Variants in ARFGEF3 observed in about 807,000 individuals in gnomAD.
ARFGEF3 encodes the protein brefeldin A-inhibited guanine nucleotide-exchange protein 3.
In ARFGEF3, 96 loss-of-function variants were observed where a neutral mutation model predicts 221.7. The ratio of observed to expected loss-of-function variants is 0.43; its 90% CI spans 0.37 to 0.51. The LOEUF is 0.51. Among genes scored for constraint, ARFGEF3 ranks in the 20% least tolerant of loss-of-function variants. The pLI, the probability that ARFGEF3 is intolerant of heterozygous loss-of-function variation, is 0.00. For synonymous variants in ARFGEF3, 1,145 were observed against 1,126.8 expected, an observed-to-expected ratio of 1.02 and a Z score of -0.32; for missense variants, 2,410 against 2,789.9, an observed-to-expected ratio of 0.86 and a Z score of 3.07.
intron 26 of ARFGEF3, 83 bp downstream of exon 26, chr6:138,314,022 G>A: frequency 7.1e-7 from 1 of 1,399,496 alleles, no homozygotes; most frequent in Non-Finnish European, 9.9e-7. Flanking sequence ...AGTACCTTAA[G>A]CTTCTGGGAA....
chr6:138,203,902 A>G lies in ARFGEF3; in HGVS notation c.138-3140A>G, dbSNP rs559526165. Among the ~76,000 whole-genome samples, 3 of 152,044 alleles carry G rather than the reference A, an allele frequency of 2.0e-5. No individual in the cohort carries two copies. In the South Asian group the frequency reaches 6.2e-4, roughly 32 times the overall value. ...GTGATCCGCCCTCCTTGGACTCCCAAAATGCTGGGATTACAGGTGTGAGCC... is the reference window on the plus strand; with the variant it reads ...GTGATCCGCCCTCCTTGGACTCCCAGAATGCTGGGATTACAGGTGTGAGCC... On this transcript the variant is annotated intron_variant, in intron 2 of 33. Transcript: ENST00000251691.
In ARFGEF3 at chr6:138,338,367, G is replaced by T. The variant is rs1306341288; in HGVS notation, c.*1881G>T. The T allele has an allele frequency of 3.9e-5, 6 of 152,286 alleles. No individual in the cohort carries two copies. The East Asian group carries it at 7.7e-4, about 20-fold the overall frequency. The allele number at this position is 152,286 out of a possible 1,614,324, so 9.4% of individuals were successfully genotyped here. A position where few individuals can be genotyped will look rare whatever the true frequency, so the allele number is the denominator to read the frequency against. On this transcript the variant is annotated 3_prime_UTR_variant, in exon 34 of 34. Coordinates refer to ENST00000251691, the MANE Select transcript of ARFGEF3 (RefSeq NM_020340.5). ...CTTTTTATAGCTTACCTGAGGTTCA[G>T]TTCTTCTTTGTGAACCTGTGAGTAC...
intron 2 of ARFGEF3, among the ~76,000 whole-genome samples, chr6:138,196,072 A>G (rs1207219525): frequency 2.0e-5 from 3 of 152,002 alleles, no homozygotes; most frequent in African/African-American, 7.3e-5. Flanking sequence ...TCATTCTTGG[A>G]ATGTAGTTTG....
In ARFGEF3 at chr6:138,229,872, G is replaced by A. The variant is rs1410929246; in HGVS notation, c.420+20G>A. 2 of 1,604,456 alleles carry A rather than the reference G, an allele frequency of 1.2e-6. No homozygotes were observed. The highest frequency in any genetic ancestry group is 1.7e-5 in the Admixed American group (1 of 59,970). ...GCGGAGGTGAGTACTGCTTGTGTCT[G>A]TGCCTCCTGTTCACAGCTGCTTTAT... On this transcript the variant is annotated intron_variant, in intron 5 of 33. Coordinates refer to ENST00000251691, the MANE Select transcript of ARFGEF3 (RefSeq NM_020340.5).
chr6:138,192,059 A>G (rs1366369135), intron 2 of ARFGEF3, among the ~76,000 whole-genome samples: 1 of 152,088 alleles, frequency 6.6e-6, no homozygotes, highest in Non-Finnish European at 1.5e-5. Flanking sequence ...CCTGCCTTGG[A>G]CCCGTGTTGT....
chr6:138,213,287 C>CAA (rs36044450), intron 4 of ARFGEF3, among the ~76,000 whole-genome samples: 24 of 90,416 alleles, frequency 2.7e-4, no homozygotes, highest in African/African-American at 5.3e-4. Flanking sequence ...GACTCCATCT[C>CAA]AAAAAAAAAA....
intron 4 of ARFGEF3, among the ~76,000 whole-genome samples, chr6:138,225,547 A>G (rs1778069069): frequency 6.6e-6 from 1 of 152,204 alleles, no homozygotes; most frequent in South Asian, 2.1e-4. Flanking sequence ...GCAGGCATTC[A>G]TTTCTCCAAT....
At chr6:138,321,980 C>T (rs902646593) in intron 29 of ARFGEF3, among the ~76,000 whole-genome samples, 4 of 152,134 alleles carry the variant, frequency 2.6e-5, no homozygotes, top group Admixed American at 1.3e-4. Flanking sequence ...TGGTGGCAGG[C>T]AAAGAGAGAG....
chr6:138,308,836 C>T lies in ARFGEF3; in HGVS notation c.4071C>T (p.Cys1357=), dbSNP rs776638431. The stretch of plus-strand genomic sequence containing the variant: ...ATGCAGCCACTAGCTACATCATGTG[C>T]CTTATGAAGTTTGTCAAAGGACTGG... ...FANAATSYIM[C]LMKFVKGLGE... is the part of the protein sequence containing the mutation. The change falls in exon 24 of 34, where the codon TGC becomes TGT. Residue 1357 remains cysteine (C), a synonymous_variant. Transcript: ENST00000251691. The T allele has an allele frequency of 4.3e-6, 7 of 1,613,908 alleles. No individual in the cohort carries two copies. In the African/African-American group the frequency reaches 9.3e-5, roughly 22 times the overall value.
chr6:138,260,045 C>A (rs367937649), intron 10 of ARFGEF3, among the ~76,000 whole-genome samples: 1 of 152,186 alleles, frequency 6.6e-6, no homozygotes, highest in African/African-American at 2.4e-5. Flanking sequence ...ATACACTTAT[C>A]CTTCCAGCAA....
chr6:138,205,134 G>GAAA (rs1211111180), intron 2 of ARFGEF3, among the ~76,000 whole-genome samples: 7 of 152,186 alleles, frequency 4.6e-5, no homozygotes, highest in Non-Finnish European at 8.8e-5. Context: ...CTTTCCAAGG[G>GAAA]TCAACACATT....
Position 138,337,975 on chromosome 6 carries a change from T to C in ARFGEF3, c.*1489T>C, listed in dbSNP as rs1411942531. ...AGGATTTAAAGGGGTATTTGTAAAC[T>C]TTGCCCTCCTTGAGAAATATGGAAC... is the stretch of plus-strand genomic sequence containing the variant. On this transcript the variant is annotated 3_prime_UTR_variant, in exon 34 of 34. Coordinates refer to ENST00000251691, the MANE Select transcript of ARFGEF3 (RefSeq NM_020340.5). 3.3e-5 allele frequency: 5 copies of C among 152,204 alleles called. No individual in the cohort carries two copies. 9.4% of individuals were successfully genotyped at this position (152,204 alleles called of 1,614,324 possible). A position where few individuals can be genotyped will look rare whatever the true frequency, so the allele number is the denominator to read the frequency against.
intron 28 of ARFGEF3, among the ~76,000 whole-genome samples, chr6:138,320,480 C>T (rs957194688): frequency 1.3e-5 from 2 of 152,150 alleles, no homozygotes; most frequent in African/African-American, 4.8e-5. Flanking sequence ...CCAGTGGAGC[C>T]ACATGTGTGA....
At chr6:138,281,936 G>A (rs1779202816) in intron 14 of ARFGEF3, among the ~76,000 whole-genome samples, 1 of 151,920 alleles carries the variant, frequency 6.6e-6, no homozygotes, top group Non-Finnish European at 1.5e-5. Context: ...TGGGTTTTTT[G>A]TTTGGTTGGT....
intron 6 of ARFGEF3, among the ~76,000 whole-genome samples, chr6:138,239,652 GAAAAAAA>G (rs1210032134): frequency 7.6e-5 from 6 of 78,824 alleles, no homozygotes; most frequent in South Asian, 3.9e-4. Flanking sequence ...TCTGTCTCAG[GAAAAAAA>G]AAAAAAAAAA....
chr6:138,196,202 G>A (rs1777415977), intron 2 of ARFGEF3, among the ~76,000 whole-genome samples: 1 of 152,132 alleles, frequency 6.6e-6, no homozygotes, highest in African/African-American at 2.4e-5. Flanking sequence ...TCCCTCATCA[G>A]TAAATGCCAA....
At chr6:138,177,941 T>A (rs1333152010) in intron 2 of ARFGEF3, among the ~76,000 whole-genome samples, 1 of 152,160 alleles carries the variant, frequency 6.6e-6, no homozygotes, top group Non-Finnish European at 1.5e-5. Flanking sequence ...ATATTTTGAA[T>A]TTTTTATCTG....
intron 5 of ARFGEF3, among the ~76,000 whole-genome samples, chr6:138,231,423 G>A (rs866642466): frequency 6.7e-6 from 1 of 149,772 alleles, no homozygotes; most frequent in Non-Finnish European, 1.5e-5. Flanking sequence ...ATATGAAGCC[G>A]GCTCTACACT....
In ARFGEF3 at chr6:138,243,094, G is replaced by A. The variant is rs562157665; in HGVS notation, c.586+100G>A. 6.6e-4 allele frequency: 631 copies of A among 950,972 alleles called. 1 individual carries two copies. The highest frequency in any genetic ancestry group is 9.6e-4 in the Non-Finnish European group (577 of 600,282). The allele number at this position is 950,972 out of a possible 1,614,324, so 58.9% of individuals were successfully genotyped here. A position where few individuals can be genotyped will look rare whatever the true frequency, so the allele number is the denominator to read the frequency against. Reference sequence around the variant, plus strand: ...GGTACAAAGATGTCTAGGAGCTCTCGGTTGTTTTACCATTCTCTTGGAGGT... The same window carrying A: ...GGTACAAAGATGTCTAGGAGCTCTCAGTTGTTTTACCATTCTCTTGGAGGT... On this transcript the variant is annotated intron_variant, in intron 7 of 33. Coordinates refer to ENST00000251691, the MANE Select transcript of ARFGEF3 (RefSeq NM_020340.5).
Sources: allele counts gnomAD v4.1 joint callset (sites outside exome capture counted in the v4.1 genomes callset), GRCh38; gene constraint gnomAD v4.1.1; transcripts MANE v1.5; gene names NCBI Gene and HGNC (gene_info 2026-07-23, HGNC 2026-07-21).